Variants in C11orf98 observed in about 807,000 individuals in gnomAD.
The protein encoded by C11orf98 is chromosome 11 open reading frame 98.
In C11orf98, 7 loss-of-function variants were observed where a neutral mutation model predicts 10.9. That is an observed-to-expected ratio of 0.64 (90% confidence interval 0.37 to 1.21). The LOEUF (loss-of-function observed/expected upper bound fraction) is 1.21, where lower values mean the gene tolerates loss of function less well. Among genes scored for constraint, C11orf98 ranks in the 50% most tolerant of loss-of-function variants. The pLI is 0.02. For missense variants in C11orf98, 181 were observed against 153.7 expected (o/e 1.18, Z -0.94); for synonymous variants, 70 against 57.2 (o/e 1.22, Z -1.01).
chr11:62,664,935 C>A lies in C11orf98; in HGVS notation c.78G>T (p.Leu26Phe). ...KKKLFKRRRV[L>F]NRERRLRHRV... is the part of the protein sequence containing the mutation. ...GGTGCCTCAGACGCCGCTCCCGATT[C>A]AACACCCGCCGGCGTTTGAACAGCT... Residue 26 changes from leucine (L) to phenylalanine (F), a missense_variant, in exon 2 of 4, where the codon TTG (leucine) becomes TTT (phenylalanine). Leu to Phe is a conservative substitution (Grantham distance 22). Coordinates refer to ENST00000524958, the MANE Select transcript of C11orf98 (RefSeq NM_001286086.2). 1 of 1,608,414 alleles carries A rather than the reference C, an allele frequency of 6.2e-7. No individual in the cohort carries two copies. The highest frequency in any genetic ancestry group is 8.5e-7 in the Non-Finnish European group (1 of 1,177,758).
intron 2 of C11orf98, 45 bp downstream of exon 2, chr11:62,664,804 A>C: frequency 6.5e-7 from 1 of 1,549,614 alleles, no homozygotes; most frequent in South Asian, 1.2e-5. Flanking sequence ...GGGAGGAAGG[A>C]AGACTCGGTG....
At chr11:62,663,765 A>T (rs1462952973) in intron 2 of C11orf98, among the ~76,000 whole-genome samples, 1 of 151,332 alleles carries the variant, frequency 6.6e-6, no homozygotes, top group Non-Finnish European at 1.5e-5. Flanking sequence ...AAATATTTAC[A>T]TTGAAGAAGC....
intron 3 of C11orf98, 21 bp from the exon 4 acceptor site, chr11:62,663,180 A>G: frequency 6.2e-7 from 1 of 1,613,842 alleles, no homozygotes; most frequent in South Asian, 1.1e-5. Flanking sequence ...GGAAGAAGGA[A>G]GTATTATCCC....
In C11orf98 at chr11:62,664,878, C is replaced by G; in HGVS notation, c.135G>C (p.Leu45=). 6.3e-7 allele frequency: 1 copy of G among 1,582,706 alleles called. No individual in the cohort carries two copies. The highest frequency in any genetic ancestry group is 8.6e-7 in the Non-Finnish European group (1 of 1,164,336). ...GCTTCTTGAGGTGGTGCCGCGTGATCAGCCCTTGGTCTATCACAGCCCCGA... is the reference window on the plus strand; with the variant it reads ...GCTTCTTGAGGTGGTGCCGCGTGATGAGCCCTTGGTCTATCACAGCCCCGA... ...RVVGAVIDQG[L]ITRHHLKKRA... The change falls in exon 2 of 4, where the codon CTG becomes CTC. Residue 45 remains leucine, a synonymous_variant. Transcript: ENST00000524958.
rs772040399 is a variant in C11orf98, at chr11:62,665,124, C to T, written c.39+7G>A. On this transcript the variant is annotated splice_region_variant and intron_variant, in intron 1 of 3. Coordinates refer to ENST00000524958, the MANE Select transcript of C11orf98 (RefSeq NM_001286086.2). ...AGGAAACAAAGTCGCGGCCCCCACACAGTCACCGTTCGGGGCCGGTTGATC... is the reference window on the plus strand; with the variant it reads ...AGGAAACAAAGTCGCGGCCCCCACATAGTCACCGTTCGGGGCCGGTTGATC... The T allele has an allele frequency of 6.1e-5, 71 of 1,170,628 alleles. 1 individual carries two copies. In the South Asian group the frequency reaches 7.7e-4, roughly 13 times the overall value. 72.5% of individuals were successfully genotyped at this position (1,170,628 alleles called of 1,614,324 possible).
At chr11:62,664,725 C>A in intron 2 of C11orf98, 124 bp downstream of exon 2, 1 of 1,285,804 alleles carries the variant, frequency 7.8e-7, no homozygotes, top group African/African-American at 1.5e-5. Flanking sequence ...TAACAGCCGA[C>A]AGACATTCCC....
chr11:62,665,109 G>C, intron 1 of C11orf98, 22 bp downstream of exon 1: 1 of 1,327,706 alleles, frequency 7.5e-7, no homozygotes, highest in Non-Finnish European at 1.0e-6. Context: ...AGGAAACAAA[G>C]TCGCGGCCCC....
Position 62,663,334 on chromosome 11 carries a change from C to G in C11orf98, c.165-1G>C. 6.2e-7 allele frequency: 1 copy of G among 1,613,208 alleles called. No homozygotes were observed. On this transcript the variant is annotated splice_acceptor_variant, in intron 2 of 3. Transcript: ENST00000524958. LOFTEE classifies it high-confidence loss of function. ...TGTAATGTTGGCACGTGCACTGGACCTGATGGGTAAGTGGAAATAAAGAGA... is the reference window on the plus strand; with the variant it reads ...TGTAATGTTGGCACGTGCACTGGACGTGATGGGTAAGTGGAAATAAAGAGA...
chr11:62,665,199 G>T lies in C11orf98; in HGVS notation c.-30C>A. 2 of 805,284 alleles carry T rather than the reference G, an allele frequency of 2.5e-6. No homozygotes were observed. Among genetic ancestry groups the T allele is most frequent in the Non-Finnish European group, 4.2e-6 (2 of 478,788 alleles). The allele number at this position is 805,284 out of a possible 1,614,324, so 49.9% of individuals were successfully genotyped here. On this transcript the variant is annotated 5_prime_UTR_variant, in exon 1 of 4. Coordinates refer to ENST00000524958, the MANE Select transcript of C11orf98 (RefSeq NM_001286086.2). ...GCGATTCCACTCCAGTTCACGGTCCGTACTTCCGCTCAGCGCCGGATCCGC... is the reference window on the plus strand; with the variant it reads ...GCGATTCCACTCCAGTTCACGGTCCTTACTTCCGCTCAGCGCCGGATCCGC...
Position 62,664,987 on chromosome 11 carries a change from A to G in C11orf98, c.40-14T>C. The G allele has an allele frequency of 6.2e-7, 1 of 1,609,196 alleles. No individual in the cohort carries two copies. ...CTTCTTCAGCTCCTGCCGGGGAGAA[A>G]GATGCGAATCAGATGGAGTGGGCTC... On this transcript the variant is annotated splice_polypyrimidine_tract_variant and intron_variant, in intron 1 of 3. Transcript: ENST00000524958.
At chr11:62,663,586 C>A (rs982671063) in intron 2 of C11orf98, among the ~76,000 whole-genome samples, 2 of 150,922 alleles carry the variant, frequency 1.3e-5, no homozygotes, top group Non-Finnish European at 2.9e-5. Flanking sequence ...CCCAGCTACT[C>A]GGGAGGCTGC....
In C11orf98 at chr11:62,663,155, T is replaced by C. The variant is rs1362046882; in HGVS notation, c.267A>G (p.Glu89=). The change falls in exon 4 of 4, where the codon GAA becomes GAG. Residue 89 remains glutamate, a synonymous_variant. Transcript: ENST00000524958. ...AQKEKTAMEV[E]APSKPARTSE... is the part of the protein sequence containing the mutation. Reference sequence around the variant, plus strand: ...TAGTCCTGGCTGGCTTTGAAGGGGCTTCCACTGAGTAAAGGGAAGAAGGAA... The same window carrying C: ...TAGTCCTGGCTGGCTTTGAAGGGGCCTCCACTGAGTAAAGGGAAGAAGGAA... The C allele has an allele frequency of 6.2e-7, 1 of 1,614,078 alleles. No homozygotes were observed. Among genetic ancestry groups the C allele is most frequent in the Non-Finnish European group, 8.5e-7 (1 of 1,179,944 alleles).
Position 62,663,342 on chromosome 11 carries a change from TAAGTGGAAATA to T in C11orf98, c.165-20_165-10del. On this transcript the variant is annotated splice_polypyrimidine_tract_variant and intron_variant, in intron 2 of 3. Coordinates refer to ENST00000524958, the MANE Select transcript of C11orf98 (RefSeq NM_001286086.2). ...TGGCACGTGCACTGGACCTGATGGG[TAAGTGGAAATA>T]AAGAGAGCTAGGTTAACCTGAACCA... 3.1e-6 allele frequency: 5 copies of T among 1,611,990 alleles called. No homozygotes were observed. The highest frequency in any genetic ancestry group is 4.2e-6 in the Non-Finnish European group (5 of 1,179,046).
In C11orf98 at chr11:62,663,277, T is replaced by C; in HGVS notation, c.221A>G (p.Gln74Arg). 2 of 1,614,204 alleles carry C rather than the reference T, an allele frequency of 1.2e-6. No homozygotes were observed. The highest frequency in any genetic ancestry group is 2.2e-5 in the East Asian group (1 of 44,886). Reference protein sequence around the residue: ...LSGKKRRKLLQQIRLAQKEKT... With the variant: ...LSGKKRRKLLRQIRLAQKEKT... Reference sequence around the variant, plus strand: ...CTCTTTCTGGGCAAGCCGGATCTGCTGGAGGAGTTTTCTGCGCTTCTTCCC... The same window carrying C: ...CTCTTTCTGGGCAAGCCGGATCTGCCGGAGGAGTTTTCTGCGCTTCTTCCC... The change falls in exon 3 of 4, where the codon CAG becomes CGG. Residue 74 changes from glutamine (Q) to arginine (R), a missense_variant. Transcript: ENST00000524958.
rs1335795764 is a variant in C11orf98, at chr11:62,665,173, C to A, written c.-4G>T. The A allele has an allele frequency of 4.7e-6, 4 of 850,988 alleles. No homozygotes were observed. In the East Asian group the frequency reaches 1.1e-4, roughly 22 times the overall value. 52.7% of individuals were successfully genotyped at this position (850,988 alleles called of 1,614,324 possible). Reference sequence around the variant, plus strand: ...TCTTTCCCCCCGGAGCTCCCATAGTCGCGATTCCACTCCAGTTCACGGTCC... The same window carrying A: ...TCTTTCCCCCCGGAGCTCCCATAGTAGCGATTCCACTCCAGTTCACGGTCC... On this transcript the variant is annotated 5_prime_UTR_variant, in exon 1 of 4. Coordinates refer to ENST00000524958, the MANE Select transcript of C11orf98 (RefSeq NM_001286086.2).
In C11orf98 at chr11:62,665,114, G is replaced by A. The variant is rs1401135310; in HGVS notation, c.39+17C>T. Reference sequence around the variant, plus strand: ...GGAACGCTTGAGGAAACAAAGTCGCGGCCCCCACACAGTCACCGTTCGGGG... The same window carrying A: ...GGAACGCTTGAGGAAACAAAGTCGCAGCCCCCACACAGTCACCGTTCGGGG... On this transcript the variant is annotated intron_variant, in intron 1 of 3. Transcript: ENST00000524958. 5.5e-6 allele frequency: 7 copies of A among 1,279,264 alleles called. No individual in the cohort carries two copies. The highest frequency in any genetic ancestry group is 2.5e-5 in the East Asian group (1 of 39,852). 79.2% of individuals were successfully genotyped at this position (1,279,264 alleles called of 1,614,324 possible).
At chr11:62,663,478 G>A (rs572379586) in intron 2 of C11orf98, 145 bp from the exon 3 acceptor site, 5 of 749,946 alleles carry the variant, frequency 6.7e-6, no homozygotes, top group East Asian at 5.9e-5. Context: ...AGGCCGAGGC[G>A]GCTGGATCAC....
At chr11:62,665,017 C>T (rs1944756235) in intron 1 of C11orf98, 44 bp from the exon 2 acceptor site, 1 of 1,601,496 alleles carries the variant, frequency 6.2e-7, no homozygotes, top group East Asian at 2.2e-5. Flanking sequence ...GGGCTCGCCG[C>T]GACCCGGGGC....
chr11:62,663,101 C>T lies in C11orf98; in HGVS notation c.321G>A (p.Lys107=). ...TSEPQLKRQK[K]TKAPQDVEMK... ...TTTCTACATCCTGGGGGGCTTTTGT[C>T]TTCTTTTGCCTTTTGAGCTGTGGTT... Residue 107 remains lysine, a synonymous_variant, in exon 4 of 4, where the codon AAG becomes AAA. Coordinates refer to ENST00000524958, the MANE Select transcript of C11orf98 (RefSeq NM_001286086.2). The T allele has an allele frequency of 1.2e-6, 2 of 1,613,724 alleles. No individual in the cohort carries two copies. Among genetic ancestry groups the T allele is most frequent in the African/African-American group, 2.7e-5 (2 of 75,028 alleles).
Sources: gnomAD v4.1 joint callset for allele counts (sites outside exome capture counted in the v4.1 genomes callset) on GRCh38, gnomAD v4.1.1 for gene constraint, MANE v1.5 for transcripts, NCBI Gene and HGNC (gene_info 2026-07-23, HGNC 2026-07-21) for gene names.